The following B3GALT1 variants were observed in gnomAD, a reference collection of about 807,000 sequenced individuals.
B3GALT1 encodes UDP-Gal:betaGlcNAc beta 1,3-galactosyltransferase, polypeptide 1.
In B3GALT1, 10 loss-of-function variants were observed where a neutral mutation model predicts 23.2. That is an observed-to-expected ratio of 0.43 (90% CI 0.27 to 0.73). The LOEUF is 0.73. B3GALT1 is among the 30% of genes least tolerant of loss of function. B3GALT1 has a pLI of 0.21. For synonymous variants in B3GALT1, 156 were observed against 141.5 expected (o/e 1.10, Z -0.73); for missense variants, 299 against 405.4 (o/e 0.74, Z 2.25).
chr2:167,628,914 T>G (rs1438351400), intron 2 of B3GALT1, among the ~76,000 whole-genome samples: 2 of 151,720 alleles, frequency 1.3e-5, no homozygotes, highest in African/African-American at 4.8e-5. Context: ...AAATTTTATT[T>G]GTTCTGTGGA....
intron 1 of B3GALT1, among the ~76,000 whole-genome samples, chr2:167,430,779 C>T (rs1006332900): frequency 5.3e-5 from 8 of 152,196 alleles, no homozygotes; most frequent in African/African-American, 1.9e-4. Flanking sequence ...TCAACATTAT[C>T]ATCATTATTA....
intron 1 of B3GALT1, among the ~76,000 whole-genome samples, chr2:167,412,083 A>G (rs938589209): frequency 6.6e-6 from 1 of 152,128 alleles, no homozygotes; most frequent in Non-Finnish European, 1.5e-5. Flanking sequence ...AAAAAGGAAT[A>G]TAAATGTATT....
At chr2:167,670,871 A>C (rs574434554) in intron 3 of B3GALT1, among the ~76,000 whole-genome samples, 3 of 152,176 alleles carry the variant, frequency 2.0e-5, no homozygotes, top group African/African-American at 7.2e-5. Context: ...AATGAAGAAG[A>C]GTGAATAAAG....
chr2:167,309,025 C>T (rs1175885867), intron 1 of B3GALT1, among the ~76,000 whole-genome samples: 1 of 151,974 alleles, frequency 6.6e-6, no homozygotes, highest in Non-Finnish European at 1.5e-5. Context: ...TCAGTAATAC[C>T]TGGCTTAATA....
chr2:167,476,941 T>C (rs1699495611), intron 1 of B3GALT1, among the ~76,000 whole-genome samples: 1 of 152,204 alleles, frequency 6.6e-6, no homozygotes. Flanking sequence ...TGAAGTTCCG[T>C]AAATAATTCT....
intron 4 of B3GALT1, among the ~76,000 whole-genome samples, chr2:167,859,586 G>A (rs1690060683): frequency 6.6e-6 from 1 of 151,448 alleles, no homozygotes; most frequent in South Asian, 2.1e-4. Flanking sequence ...TTCAATAAAT[G>A]TCAAGGTATA....
chr2:167,873,114 T>C lies in B3GALT1; in HGVS notation c.*3094T>C, dbSNP rs1008257411. 1 of 152,226 alleles carries C rather than the reference T, an allele frequency of 6.6e-6. No individual in the cohort carries two copies. Among genetic ancestry groups the C allele is most frequent in the Non-Finnish European group, 1.5e-5 (1 of 68,044 alleles). The allele number at this position is 152,226 out of a possible 1,614,324, so 9.4% of individuals were successfully genotyped here. ...CTTATCATTTCCCTGACATAAAATATGCAATGTTTTAGACAGTATTCTACC... is the reference window on the plus strand; with the variant it reads ...CTTATCATTTCCCTGACATAAAATACGCAATGTTTTAGACAGTATTCTACC... On this transcript the variant is annotated 3_prime_UTR_variant, in exon 5 of 5. Transcript: ENST00000392690.
intron 1 of B3GALT1, among the ~76,000 whole-genome samples, chr2:167,313,415 T>C (rs1696663091): frequency 6.6e-6 from 1 of 152,084 alleles, no homozygotes; most frequent in Non-Finnish European, 1.5e-5. Flanking sequence ...AAACGAGTAA[T>C]AGAATAGTTT....
intron 1 of B3GALT1, among the ~76,000 whole-genome samples, chr2:167,446,593 T>C (rs1007750946): frequency 2.0e-5 from 3 of 152,202 alleles, no homozygotes; most frequent in African/African-American, 7.2e-5. Context: ...AAACTTCTCT[T>C]CTTGCTTCAT....
chr2:167,585,869 A>T (rs1472572962), intron 2 of B3GALT1, among the ~76,000 whole-genome samples: 2 of 152,226 alleles, frequency 1.3e-5, no homozygotes, highest in African/African-American at 4.8e-5. Flanking sequence ...AATAACATAG[A>T]TGCTTGTCTT....
chr2:167,589,653 T>C (rs1328774891), intron 2 of B3GALT1, among the ~76,000 whole-genome samples: 1 of 152,174 alleles, frequency 6.6e-6, no homozygotes, highest in East Asian at 1.9e-4. Context: ...TTTTCATTAA[T>C]CTGTCTTTTA....
chr2:167,562,708 C>T lies in B3GALT1; in HGVS notation c.-410+72431C>T, dbSNP rs1343866733. Among the ~76,000 whole-genome samples the T allele has an allele frequency of 2.0e-5, 3 of 148,094 alleles. No individual in the cohort carries two copies. The East Asian group carries it at 6.0e-4, about 30-fold the overall frequency. On this transcript the variant is annotated intron_variant, in intron 2 of 4. Transcript: ENST00000392690. Reference sequence around the variant, plus strand: ...GTGTTTCTCGCAGAGGGGGATTTGGCAGGGTCACAGGACAATTAGTGGAGG... The same window carrying T: ...GTGTTTCTCGCAGAGGGGGATTTGGTAGGGTCACAGGACAATTAGTGGAGG...
At chr2:167,334,399 T>C (rs1436707841) in intron 1 of B3GALT1, among the ~76,000 whole-genome samples, 1 of 152,186 alleles carries the variant, frequency 6.6e-6, no homozygotes, top group African/African-American at 2.4e-5. Context: ...TTCATTATGT[T>C]AAAGACAGTT....
At chr2:167,838,459 C>A (rs1348026301) in intron 4 of B3GALT1, among the ~76,000 whole-genome samples, 2 of 152,292 alleles carry the variant, frequency 1.3e-5, no homozygotes, top group South Asian at 2.1e-4. Context: ...CACATACACT[C>A]TCCCAAGACT....
chr2:167,726,910 A>G (rs998175701), intron 3 of B3GALT1, among the ~76,000 whole-genome samples: 4 of 152,210 alleles, frequency 2.6e-5, no homozygotes, highest in Non-Finnish European at 4.4e-5. Context: ...CATCATTTTT[A>G]TGTCACATGC....
chr2:167,409,425 A>G (rs1698357936), intron 1 of B3GALT1, among the ~76,000 whole-genome samples: 1 of 151,828 alleles, frequency 6.6e-6, no homozygotes, highest in Non-Finnish European at 1.5e-5. Flanking sequence ...ATAGTCCCAT[A>G]TTTCTTGGAG....
At chr2:167,843,616 A>G (rs1202959330) in intron 4 of B3GALT1, among the ~76,000 whole-genome samples, 1 of 152,198 alleles carries the variant, frequency 6.6e-6, no homozygotes, top group Non-Finnish European at 1.5e-5. Flanking sequence ...AAGACTTCAA[A>G]CCAAACATGG....
intron 3 of B3GALT1, among the ~76,000 whole-genome samples, chr2:167,725,516 C>T (rs183586735): frequency 4.4e-4 from 67 of 152,186 alleles, no homozygotes; most frequent in Non-Finnish European, 4.4e-5. Context: ...CTTGTCTGTT[C>T]CTAAGGTATG....
chr2:167,427,379 A>G (rs1169438325), intron 1 of B3GALT1, among the ~76,000 whole-genome samples: 1 of 152,210 alleles, frequency 6.6e-6, no homozygotes, highest in Non-Finnish European at 1.5e-5. Flanking sequence ...AAAGAAGTAT[A>G]TGACCTTATA....
Sources: allele counts gnomAD v4.1 joint callset (sites outside exome capture counted in the v4.1 genomes callset), GRCh38; gene constraint gnomAD v4.1.1; transcripts MANE v1.5; gene names NCBI Gene and HGNC (gene_info 2026-07-23, HGNC 2026-07-21).